WDFY3: variants seen among roughly 807,000 people sequenced by gnomAD.
The protein encoded by WDFY3 is WD repeat and FYVE domain-containing protein 3.
WDFY3 carries 66 observed loss-of-function variants against 409.6 expected under a neutral mutation model. The observed-to-expected ratio is 0.16, with a 90% CI of 0.13 to 0.20. The LOEUF is 0.20. WDFY3 is among the 10% of genes least tolerant of loss of function. The pLI, the probability that WDFY3 is intolerant of heterozygous loss-of-function variation, is 1.00. For synonymous variants in WDFY3, 1,521 were observed against 1,537.1 expected (o/e 0.99, Z 0.25); for missense variants, 3,031 against 4,298.1 (o/e 0.71, Z 8.24).
intron 55 of WDFY3, among the ~76,000 whole-genome samples, chr4:84,702,828 G>A (rs934511132): frequency 2.3e-4 from 35 of 152,198 alleles, no homozygotes; most frequent in Non-Finnish European, 4.4e-5. Context: ...CGGGCGCGGC[G>A]GCTCACGCCT....
chr4:84,679,038 T>G lies in WDFY3; in HGVS notation c.10028A>C (p.Lys3343Thr). ...RWSDQLSLDE[K>T]DGFIFVNYSE... ...ATAGTTCACAAATATGAAGCCGTCT[T>G]TCTCATCTAGACTGAGCTGGTCGGA... is the stretch of plus-strand genomic sequence containing the variant. Residue 3343 changes from lysine to threonine, a missense_variant, in exon 65 of 68, where the codon AAA (lysine) becomes ACA (threonine). Physicochemically the swap from Lys to Thr is moderately conservative, Grantham distance 78. Around this residue, in one of 16 missense-constraint regions of WDFY3, gnomAD observed 378 missense variants for 477.3 expected, o/e 0.79. Coordinates refer to ENST00000295888, the MANE Select transcript of WDFY3 (RefSeq NM_014991.6). 1 of 1,614,214 alleles carries G rather than the reference T, an allele frequency of 6.2e-7. No individual in the cohort carries two copies. Among genetic ancestry groups the G allele is most frequent in the Non-Finnish European group, 8.5e-7 (1 of 1,180,040 alleles).
intron 32 of WDFY3, among the ~76,000 whole-genome samples, chr4:84,763,326 A>G (rs1368064161): frequency 6.6e-6 from 1 of 152,084 alleles, no homozygotes; most frequent in African/African-American, 2.4e-5. Context: ...TGGGAGTTGA[A>G]CAATGAGAAC....
intron 3 of WDFY3, among the ~76,000 whole-genome samples, chr4:84,865,624 A>G (rs890293905): frequency 1.3e-5 from 2 of 151,744 alleles, no homozygotes; most frequent in African/African-American, 4.8e-5. Flanking sequence ...CTGCCCCCCA[A>G]CCCCAGCCCT....
At chr4:84,811,486 C>G (rs1752483119) in intron 13 of WDFY3, among the ~76,000 whole-genome samples, 1 of 152,074 alleles carries the variant, frequency 6.6e-6, no homozygotes, top group Admixed American at 6.6e-5. Context: ...TAAAATAACT[C>G]TCCAAAGACT....
intron 2 of WDFY3, among the ~76,000 whole-genome samples, chr4:84,899,901 A>T (rs964399114): frequency 3.9e-5 from 6 of 152,050 alleles, no homozygotes; most frequent in African/African-American, 1.4e-4. Context: ...AAAACAAAAA[A>T]TTAGCCAGAT....
At chr4:84,959,795 T>G (rs138382339) in intron 1 of WDFY3, among the ~76,000 whole-genome samples, 1 of 152,304 alleles carries the variant, frequency 6.6e-6, no homozygotes, top group East Asian at 1.9e-4. Context: ...TCAGATGTCA[T>G]TAATACTTGT....
chr4:84,771,470 A>G (rs1744669081), intron 30 of WDFY3, among the ~76,000 whole-genome samples: 1 of 152,206 alleles, frequency 6.6e-6, no homozygotes, highest in Non-Finnish European at 1.5e-5. Context: ...TAAATGCATT[A>G]CATATTTCAG....
chr4:84,869,011 A>G (rs1761816995), intron 3 of WDFY3, among the ~76,000 whole-genome samples: 2 of 152,260 alleles, frequency 1.3e-5, no homozygotes, highest in South Asian at 2.1e-4. Context: ...GTGACTGCAT[A>G]ATACTGACAA....
At chr4:84,833,055 T>A (rs1322288557) in intron 7 of WDFY3, among the ~76,000 whole-genome samples, 1 of 151,794 alleles carries the variant, frequency 6.6e-6, no homozygotes, top group Middle Eastern at 3.2e-3. Context: ...AAACCTAAAG[T>A]CTGGCTTTCA....
At chr4:84,928,851 A>C (rs916973312) in intron 2 of WDFY3, among the ~76,000 whole-genome samples, 5 of 152,176 alleles carry the variant, frequency 3.3e-5, no homozygotes, top group South Asian at 2.1e-4. Flanking sequence ...GTCACACGCC[A>C]CTTGAATAAG....
chr4:84,770,338 C>T (rs1744453653), intron 30 of WDFY3, among the ~76,000 whole-genome samples: 1 of 152,084 alleles, frequency 6.6e-6, no homozygotes, highest in Admixed American at 6.6e-5. Flanking sequence ...GAGTTATATA[C>T]ATTTTTTAAA....
intron 3 of WDFY3, among the ~76,000 whole-genome samples, chr4:84,862,939 G>A (rs2150228600): frequency 6.6e-6 from 1 of 152,318 alleles, no homozygotes; most frequent in East Asian, 1.9e-4. Context: ...TAATCCACAT[G>A]TAAGTGATAT....
Position 84,829,059 on chromosome 4 carries a change from G to A in WDFY3, c.901C>T (p.Leu301=). ...CCTTGCCATATCCGAAAATCATCCAGAAGTGTTTGGGAAACATCGCTGGAA... is the reference window on the plus strand; with the variant it reads ...CCTTGCCATATCCGAAAATCATCCAAAAGTGTTTGGGAAACATCGCTGGAA... ...KDSSDVSQTL[L]DDFRIWQGYN... The change falls in exon 9 of 68, where the codon CTG becomes TTG. Residue 301 remains leucine, a synonymous_variant. Transcript: ENST00000295888. 1 of 1,613,718 alleles carries A rather than the reference G, an allele frequency of 6.2e-7. No homozygotes were observed. The highest frequency in any genetic ancestry group is 1.1e-5 in the South Asian group (1 of 91,052).
At chr4:84,885,330 A>ATGTGTGTGTGTGTGTG (rs70943380) in intron 3 of WDFY3, among the ~76,000 whole-genome samples, 5 of 145,552 alleles carry the variant, frequency 3.4e-5, no homozygotes, top group African/African-American at 1.3e-4. Context: ...ACATATACAT[A>ATGTGTGTGTGTGTGTG]TGTGTGTGTG....
At chr4:84,777,850 A>C (rs142286866) in intron 27 of WDFY3, among the ~76,000 whole-genome samples, 17 of 152,296 alleles carry the variant, frequency 1.1e-4, no homozygotes, top group African/African-American at 3.8e-4. Context: ...CATAATAACT[A>C]ACATGCAAAG....
At position 84,683,930 on chromosome 4, in the gene WDFY3, T is replaced by C; in HGVS notation, c.9726+13A>G. The C allele has an allele frequency of 6.4e-7, 1 of 1,570,208 alleles. No individual in the cohort carries two copies. The highest frequency in any genetic ancestry group is 8.7e-7 in the Non-Finnish European group (1 of 1,149,110). On this transcript the variant is annotated intron_variant, in intron 63 of 67. Coordinates refer to ENST00000295888, the MANE Select transcript of WDFY3 (RefSeq NM_014991.6). Reference sequence around the variant, plus strand: ...ACAAATATCCTAATGAGTTTTTCTCTCAGTTCACTTACCCGAACCACTCCA... The same window carrying C: ...ACAAATATCCTAATGAGTTTTTCTCCCAGTTCACTTACCCGAACCACTCCA...
At chr4:84,949,599 C>G (rs1342792456) in intron 1 of WDFY3, among the ~76,000 whole-genome samples, 1 of 152,186 alleles carries the variant, frequency 6.6e-6, no homozygotes, top group Non-Finnish European at 1.5e-5. Flanking sequence ...CTGAATTCTT[C>G]TCTATGAAAC....
At chr4:84,853,886 G>GA (rs1356771437) in intron 4 of WDFY3, among the ~76,000 whole-genome samples, 1 of 152,048 alleles carries the variant, frequency 6.6e-6, no homozygotes, top group East Asian at 1.9e-4. Flanking sequence ...AATATTTATC[G>GA]ACTTCCTAGT....
intron 51 of WDFY3, among the ~76,000 whole-genome samples, chr4:84,710,662 A>G (rs1285869019): frequency 6.6e-6 from 1 of 152,240 alleles, no homozygotes; most frequent in African/African-American, 2.4e-5. Flanking sequence ...AAGAAAGAGG[A>G]TAACTGAAAT....
Sources: allele counts gnomAD v4.1 joint callset (sites outside exome capture counted in the v4.1 genomes callset), GRCh38; gene constraint gnomAD v4.1.1; regional missense constraint gnomAD v4.1.1; transcripts MANE v1.5; gene names NCBI Gene and HGNC (gene_info 2026-07-23, HGNC 2026-07-21).